Variants in CAPN14 observed in about 807,000 individuals in gnomAD.
The protein encoded by CAPN14 is calpain 14, also known as calpain-14.
Under a neutral mutation model 101.3 loss-of-function variants are expected in CAPN14, and 94 were observed. The ratio of observed to expected loss-of-function variants is 0.93; its 90% CI spans 0.79 to 1.10. The LOEUF (loss-of-function observed/expected upper bound fraction) is 1.10, where lower values mean the gene tolerates loss of function less well. Among genes scored for constraint, CAPN14 ranks in the 50% least tolerant of loss-of-function variants. The pLI, the probability that CAPN14 is intolerant of heterozygous loss-of-function variation, is 0.00. For synonymous variants in CAPN14, 338 were observed against 317.9 expected (o/e 1.06, Z -0.67); for missense variants, 837 against 828.4 (o/e 1.01, Z -0.13).
chr2:31,231,398 C>T (rs1683187192), intron 1 of CAPN14, among the ~76,000 whole-genome samples: 1 of 148,132 alleles, frequency 6.8e-6, no homozygotes, highest in Non-Finnish European at 1.5e-5. Context: ...CTTAGAACTT[C>T]TTTAACATCT....
chr2:31,209,752 CA>C (rs1431124410), intron 1 of CAPN14, among the ~76,000 whole-genome samples: 1 of 151,964 alleles, frequency 6.6e-6, no homozygotes, highest in Non-Finnish European at 1.5e-5. Context: ...TGACAGGAGC[CA>C]GCTGTGCACA....
intron 19 of CAPN14, among the ~76,000 whole-genome samples, chr2:31,177,427 G>A (rs575613897): frequency 1.3e-5 from 2 of 152,298 alleles, no homozygotes; most frequent in East Asian, 3.9e-4. Flanking sequence ...GTGCTCAAAA[G>A]TACCTGCTTG....
At chr2:31,206,021 A>ATTTTTTTTTTTTTTTTTTTTTTT (rs200116287) in intron 1 of CAPN14, among the ~76,000 whole-genome samples, 3 of 108,752 alleles carry the variant, frequency 2.8e-5, no homozygotes, top group African/African-American at 3.1e-5. Context: ...CATTATCTTT[A>ATTTTTTTTTTTTTTTTTTTTTTT]TTTTTTTTAT....
chr2:31,180,872 G>T (rs1680558662), intron 17 of CAPN14, 64 bp downstream of exon 17: 2 of 1,379,454 alleles, frequency 1.4e-6, no homozygotes, highest in South Asian at 1.3e-5. Context: ...AATATACTCT[G>T]CCTAGCTCCA....
chr2:31,177,078 C>T lies in CAPN14; in HGVS notation c.1920G>A (p.Gln640=), dbSNP rs771967182. 6.4e-7 allele frequency: 1 copy of T among 1,551,554 alleles called. No individual in the cohort carries two copies. Among genetic ancestry groups the T allele is most frequent in the Non-Finnish European group, 8.7e-7 (1 of 1,146,890 alleles). Residue 640 remains glutamine (Q), a synonymous_variant, in exon 20 of 22, where the codon CAG becomes CAA. Coordinates refer to ENST00000403897, the MANE Select transcript of CAPN14 (RefSeq NM_001145122.2). ...MLIRYGGPRL[Q]MDFVSFIHLM... is the part of the protein sequence containing the mutation. ...AGTGGATGAAACTGACAAAGTCCAT[C>T]TGGAGGCGGGGGCCGCCGTAGCGGA...
At chr2:31,180,345 G>A (rs1680528335) in intron 17 of CAPN14, among the ~76,000 whole-genome samples, 1 of 152,092 alleles carries the variant, frequency 6.6e-6, no homozygotes, top group South Asian at 2.1e-4. Flanking sequence ...ACCCCCCTTA[G>A]GCTATCTATT....
At chr2:31,200,695 G>A in intron 5 of CAPN14, 70 bp from the exon 6 acceptor site, 2 of 1,394,530 alleles carry the variant, frequency 1.4e-6, no homozygotes, top group South Asian at 1.5e-5. Context: ...TGTGGCCTCG[G>A]CATCCACTTT....
At chr2:31,224,067 C>G (rs1319579103) in intron 2 of CAPN14, among the ~76,000 whole-genome samples, 1 of 152,170 alleles carries the variant, frequency 6.6e-6, no homozygotes, top group East Asian at 1.9e-4. Context: ...AATCTCTTGT[C>G]TCTTTAACAT....
At chr2:31,177,654 T>A (rs1680371808) in intron 19 of CAPN14, 92 bp downstream of exon 19, 1 of 897,026 alleles carries the variant, frequency 1.1e-6, no homozygotes, top group Non-Finnish European at 1.8e-6. Context: ...GTATTAGAGT[T>A]ACTTCAGCAT....
At chr2:31,229,854 A>G (rs149443730) in intron 1 of CAPN14, among the ~76,000 whole-genome samples, 6 of 152,244 alleles carry the variant, frequency 3.9e-5, no homozygotes, top group Admixed American at 6.5e-5. Flanking sequence ...AAAAACTTCA[A>G]TGCACACATA....
intron 18 of CAPN14, 117 bp from the exon 19 acceptor site, chr2:31,177,938 C>T (rs1156701927): frequency 1.4e-6 from 1 of 717,836 alleles, no homozygotes; most frequent in Admixed American, 2.1e-5. Context: ...TGAGGCTCCA[C>T]ATGCAGGGCC....
At chr2:31,224,562 T>C (rs1682965071) in intron 2 of CAPN14, among the ~76,000 whole-genome samples, 2 of 152,044 alleles carry the variant, frequency 1.3e-5, no homozygotes, top group Admixed American at 6.5e-5. Flanking sequence ...CTGAAAATTG[T>C]AGCCAAAATA....
At chr2:31,195,965 C>T (rs138182534) in intron 8 of CAPN14, among the ~76,000 whole-genome samples, 3 of 151,852 alleles carry the variant, frequency 2.0e-5, no homozygotes, top group Non-Finnish European at 4.4e-5. Flanking sequence ...TAGAAACCAC[C>T]GTAGAAATGA....
chr2:31,180,588 C>G (rs750730309), intron 17 of CAPN14, among the ~76,000 whole-genome samples: 18 of 152,114 alleles, frequency 1.2e-4, no homozygotes, highest in Non-Finnish European at 2.1e-4. Context: ...TCTTGTAAAC[C>G]TGGAGAGCTG....
Position 31,178,503 on chromosome 2 carries a change from G to T in CAPN14, c.1779+8C>A. ...TTCCAAAGAGGTGTGGTTAAGACTT[G>T]TTCTTACCTGAGAGAGCTTCAGCTG... On this transcript the variant is annotated splice_region_variant and intron_variant, in intron 18 of 21. Coordinates refer to ENST00000403897, the MANE Select transcript of CAPN14 (RefSeq NM_001145122.2). 1 of 1,549,338 alleles carries T rather than the reference G, an allele frequency of 6.5e-7. No individual in the cohort carries two copies. Among genetic ancestry groups the T allele is most frequent in the Non-Finnish European group, 8.7e-7 (1 of 1,145,012 alleles).
intron 16 of CAPN14, among the ~76,000 whole-genome samples, chr2:31,181,766 T>C (rs1375514735): frequency 2.8e-5 from 4 of 141,346 alleles, no homozygotes; most frequent in Admixed American, 1.5e-4. Flanking sequence ...AGTGAGAACA[T>C]GTGGTGTTTG....
In CAPN14 at chr2:31,191,417, A is replaced by T; in HGVS notation, c.1279-10T>A. The T allele has an allele frequency of 1.3e-6, 2 of 1,540,688 alleles. No individual in the cohort carries two copies. The highest frequency in any genetic ancestry group is 1.7e-6 in the Non-Finnish European group (2 of 1,145,116). ...AACTCACCTTGTTCATCTAAAAAAC[A>T]AAAACAAAAACAGAAAAAAAAAAAA... On this transcript the variant is annotated splice_polypyrimidine_tract_variant and intron_variant, in intron 11 of 21. Coordinates refer to ENST00000403897, the MANE Select transcript of CAPN14 (RefSeq NM_001145122.2).
rs913973478 is a variant in CAPN14 at position 31,206,500 on chromosome 2, G to A, written c.-52-1001C>T. Among the ~76,000 whole-genome samples, 4 of 152,180 alleles carry A rather than the reference G, an allele frequency of 2.6e-5. No homozygotes were observed. In the East Asian group the frequency reaches 5.8e-4, roughly 22 times the overall value. On this transcript the variant is annotated intron_variant, in intron 1 of 21. Transcript: ENST00000403897. ...ACTCCTGACCTCAAGTGATCTACCC[G>A]CCTTGGCCTCCCAAAGTGTTGAGAG...
At chr2:31,205,155 T>C (rs898822856) in intron 2 of CAPN14, 68 bp downstream of exon 2, 1 of 1,360,896 alleles carries the variant, frequency 7.3e-7, no homozygotes, top group Non-Finnish European at 1.0e-6. Flanking sequence ...CCCATATATC[T>C]TAGGCGCAGT....
Sources: gnomAD v4.1 joint callset for allele counts (sites outside exome capture counted in the v4.1 genomes callset) on GRCh38, gnomAD v4.1.1 for gene constraint, MANE v1.5 for transcripts, NCBI Gene and HGNC (gene_info 2026-07-23, HGNC 2026-07-21) for gene names.